SV2C: variants seen among roughly 807,000 people sequenced by gnomAD.
SV2C encodes the protein synaptic vesicle glycoprotein 2C.
A neutral mutation model predicts 79.7 loss-of-function variants in SV2C; 49 were observed. That is an observed-to-expected ratio of 0.61 (90% CI 0.49 to 0.78). SV2C has a LOEUF of 0.78. Ranked by LOEUF, SV2C falls within the 30% of genes least tolerant of loss-of-function variation. The probability of loss-of-function intolerance (pLI) is 0.00; values close to 1 mark genes in which losing one functional copy is unlikely to be tolerated. For synonymous variants in SV2C, 334 were observed against 333.2 expected (o/e 1.00, Z -0.03); for missense variants, 833 against 912.9 (o/e 0.91, Z 1.13).
At chr5:76,283,024 C>G (rs1747244074) in intron 4 of SV2C, among the ~76,000 whole-genome samples, 1 of 150,514 alleles carries the variant, frequency 6.6e-6, no homozygotes, top group Admixed American at 6.6e-5. Flanking sequence ...CAAAACAAAA[C>G]AAAAACAAGT....
In SV2C at chr5:76,295,977, A is replaced by C; in HGVS notation, c.1502+35A>C. 2.0e-6 allele frequency: 3 copies of C among 1,529,538 alleles called. No homozygotes were observed. The South Asian group carries it at 3.9e-5, about 20-fold the overall frequency. The allele number at this position is 1,529,538 out of a possible 1,614,324, so 94.7% of individuals were successfully genotyped here. A position where few individuals can be genotyped will look rare whatever the true frequency, so the allele number is the denominator to read the frequency against. The stretch of plus-strand genomic sequence containing the variant: ...CTTGAAATAATTTAATTTGCTACCT[A>C]TTCACAAAAACTTATTTCTTCTTAG... On this transcript the variant is annotated intron_variant, in intron 9 of 12. Coordinates refer to ENST00000502798, the MANE Select transcript of SV2C (RefSeq NM_014979.4).
intron 2 of SV2C, among the ~76,000 whole-genome samples, chr5:76,182,281 C>T (rs372216982): frequency 1.3e-5 from 2 of 152,084 alleles, no homozygotes; most frequent in African/African-American, 2.4e-5. Flanking sequence ...CAGACCTACC[C>T]GCCTCTTGTA....
chr5:75,929,845 A>G, the SV2C span, among the ~76,000 whole-genome samples: 1 of 152,192 alleles, frequency 6.6e-6, no homozygotes, highest in Non-Finnish European at 1.5e-5. Flanking sequence ...AGAGAAGAAA[A>G]CTACGTTTTG....
At chr5:75,877,952 A>C in the SV2C span, among the ~76,000 whole-genome samples, 64 of 117,070 alleles carry the variant, frequency 5.5e-4, no homozygotes, top group Non-Finnish European at 8.4e-4. Context: ...AAAAAAAAAA[A>C]AACAAGTTTC....
At chr5:75,932,373 A>C in the SV2C span, among the ~76,000 whole-genome samples, 8 of 152,178 alleles carry the variant, frequency 5.3e-5, no homozygotes, top group Admixed American at 5.2e-4. Context: ...TTCTCTGCCA[A>C]GACCAGCTCG....
At chr5:76,296,569 A>G (rs1179803032) in intron 9 of SV2C, among the ~76,000 whole-genome samples, 3 of 152,182 alleles carry the variant, frequency 2.0e-5, no homozygotes, top group Non-Finnish European at 4.4e-5. Context: ...TAGAGATGGA[A>G]AAGAGTAGAC....
the SV2C span, among the ~76,000 whole-genome samples, chr5:76,038,930 T>C: frequency 1.3e-5 from 2 of 152,144 alleles, no homozygotes; most frequent in African/African-American, 4.8e-5. Context: ...TTCAATCAGG[T>C]CTCCTCCTTT....
chr5:76,124,096 T>C (rs573430725), intron 1 of SV2C, among the ~76,000 whole-genome samples: 1 of 152,210 alleles, frequency 6.6e-6, no homozygotes, highest in Admixed American at 6.5e-5. Flanking sequence ...CCCAATTTTA[T>C]TGTGATAAAA....
chr5:76,104,926 C>A (rs943178152), intron 1 of SV2C, among the ~76,000 whole-genome samples: 1 of 152,284 alleles, frequency 6.6e-6, no homozygotes, highest in East Asian at 1.9e-4. Context: ...GCAGATGATT[C>A]TCGTTTGCAG....
At position 76,280,956 on chromosome 5, in the gene SV2C, C is replaced by T. The variant is rs367884271; in HGVS notation, c.914-4206C>T. The stretch of plus-strand genomic sequence containing the variant: ...ACAGGGTCTGAGCCTGCCAGGATGA[C>T]AGGATCCTGGTGATGCGGCCCAACA... On this transcript the variant is annotated intron_variant, in intron 4 of 12. Transcript: ENST00000502798. The T allele has an allele frequency of 2.7e-4, 146 of 535,758 alleles. 2 individuals carry two copies. The East Asian group carries it at 7.8e-3, about 28-fold the overall frequency. 33.2% of individuals were successfully genotyped at this position (535,758 alleles called of 1,614,324 possible). A position where few individuals can be genotyped will look rare whatever the true frequency, so the allele number is the denominator to read the frequency against.
chr5:76,016,939 T>C, the SV2C span, among the ~76,000 whole-genome samples: 1 of 152,232 alleles, frequency 6.6e-6, no homozygotes, highest in Non-Finnish European at 1.5e-5. Flanking sequence ...AAATGCCACC[T>C]GCGCTGTGCG....
chr5:75,959,877 A>T, the SV2C span, among the ~76,000 whole-genome samples: 1 of 152,030 alleles, frequency 6.6e-6, no homozygotes, highest in East Asian at 1.9e-4. Context: ...TATACTAAAA[A>T]TCAATATTCT....
rs1749110790 is a variant in SV2C, at chr5:76,329,512, A to T, written c.*3965A>T. 6.6e-6 allele frequency: 1 copy of T among 152,214 alleles called. No individual in the cohort carries two copies. Among genetic ancestry groups the T allele is most frequent in the Non-Finnish European group, 1.5e-5 (1 of 68,042 alleles). The allele number at this position is 152,214 out of a possible 1,614,324, so 9.4% of individuals were successfully genotyped here. ...AAAAACTGCTTAGTTGTCTTTCAAG[A>T]TACCTTAAGAGATCAAAGGGGAGGT... is the stretch of plus-strand genomic sequence containing the variant. On this transcript the variant is annotated 3_prime_UTR_variant, in exon 13 of 13. Transcript: ENST00000502798.
the SV2C span, among the ~76,000 whole-genome samples, chr5:76,022,610 G>C: frequency 2.0e-5 from 3 of 152,152 alleles, 1 homozygote; most frequent in Non-Finnish European, 4.4e-5. Flanking sequence ...CGGTAACAGG[G>C]ATAATTTTTG....
At chr5:76,350,430 C>T (rs1304774776) in intron 12 of SV2C, among the ~76,000 whole-genome samples, 1 of 152,186 alleles carries the variant, frequency 6.6e-6, no homozygotes, top group Non-Finnish European at 1.5e-5. Flanking sequence ...ATGTGACATG[C>T]CTGTTGAGAC....
the SV2C span, among the ~76,000 whole-genome samples, chr5:75,954,695 G>C: frequency 6.7e-6 from 1 of 149,142 alleles, no homozygotes; most frequent in Non-Finnish European, 1.5e-5. Flanking sequence ...CTTCAGCAAA[G>C]TCTCAGGATA....
the SV2C span, among the ~76,000 whole-genome samples, chr5:75,949,873 G>C: frequency 6.6e-6 from 1 of 152,120 alleles, no homozygotes; most frequent in Non-Finnish European, 1.5e-5. Flanking sequence ...GTGTTAAAGA[G>C]GTGACACAAT....
chr5:76,133,959 A>G (rs1475320052), intron 2 of SV2C, among the ~76,000 whole-genome samples: 1 of 152,230 alleles, frequency 6.6e-6, no homozygotes, highest in African/African-American at 2.4e-5. Context: ...AGAATAAAAA[A>G]TATTTTAATG....
intron 4 of SV2C, among the ~76,000 whole-genome samples, chr5:76,278,923 G>T (rs1747101014): frequency 1.3e-5 from 2 of 152,204 alleles, no homozygotes; most frequent in Non-Finnish European, 1.5e-5. Context: ...CAAACAGGAG[G>T]CTGTTGCTAA....
Sources: gnomAD v4.1 joint callset for allele counts (sites outside exome capture counted in the v4.1 genomes callset) on GRCh38, gnomAD v4.1.1 for gene constraint, MANE v1.5 for transcripts, NCBI Gene and HGNC (gene_info 2026-07-23, HGNC 2026-07-21) for gene names.